Variants in SSBP4 observed in about 807,000 individuals in gnomAD.
The protein encoded by SSBP4 is single stranded DNA binding protein 4, also known as single-stranded DNA-binding protein 4.
Under a neutral mutation model 64.6 loss-of-function variants are expected in SSBP4, and 33 were observed. The ratio of observed to expected loss-of-function variants is 0.51; its 90% confidence interval spans 0.39 to 0.68. The LOEUF (loss-of-function observed/expected upper bound fraction) is 0.68. SSBP4 is among the 30% of genes least tolerant of loss of function. The pLI is 0.00. For synonymous variants in SSBP4, 243 were observed against 224.0 expected (o/e 1.08, Z -0.76); for missense variants, 583 against 566.8 (o/e 1.03, Z -0.29).
rs757159886 is a variant in SSBP4, at chr19:18,434,169, C to A, written c.1129-48C>A. The A allele has an allele frequency of 1.6e-4, 265 of 1,608,566 alleles. 3 individuals are homozygous for A. In the East Asian group the frequency reaches 5.9e-3, roughly 36 times the overall value. ...CCCTGGGGGCGGGTCCCAGCCTCTT[C>A]CGGAGCTGAACTCGGCCCCTGCGCG... is the stretch of plus-strand genomic sequence containing the variant. On this transcript the variant is annotated intron_variant, in intron 17 of 17. Transcript: ENST00000270061.
At chr19:18,433,398 A>G in intron 15 of SSBP4, 185 bp downstream of exon 15, 1 of 1,261,330 alleles carries the variant, frequency 7.9e-7, no homozygotes, top group African/African-American at 1.5e-5. Context: ...AAACCAGAGG[A>G]TGCACTGACC....
At chr19:18,414,924 G>A (rs972038081), upstream of SSBP4, among the ~76,000 whole-genome samples, 18 of 152,210 alleles carry the variant, frequency 1.2e-4, no homozygotes, top group Admixed American at 5.2e-4. Flanking sequence ...GTGAGTTTCC[G>A]CCTCCAGGCA....
chr19:18,403,510 T>C, the SSBP4 span, among the ~76,000 whole-genome samples: 3 of 151,858 alleles, frequency 2.0e-5, no homozygotes, highest in African/African-American at 7.3e-5. Flanking sequence ...GGTTCTGGGG[T>C]ATGGGGATCC....
In SSBP4 at chr19:18,426,629, G is replaced by A. The variant is rs761073067; in HGVS notation, c.60-722G>A. Reference sequence around the variant, plus strand: ...ACCTGGCTGGGCGAGGGTGACTCAGGTCCAAGCCCTTGGGGTGCACAGTGG... The same window carrying A: ...ACCTGGCTGGGCGAGGGTGACTCAGATCCAAGCCCTTGGGGTGCACAGTGG... On this transcript the variant is annotated intron_variant, in intron 1 of 17. Coordinates refer to ENST00000270061, the MANE Select transcript of SSBP4 (RefSeq NM_032627.5). This position sits in a 1 kb window ranked among gnomAD's most constrained non-coding sequence, Gnocchi z 4.5. Among the ~76,000 whole-genome samples the A allele has an allele frequency of 1.8e-4, 27 of 152,320 alleles. No individual in the cohort carries two copies. The highest frequency in any genetic ancestry group is 3.2e-4 in the Non-Finnish European group (22 of 68,016).
the SSBP4 span, among the ~76,000 whole-genome samples, chr19:18,413,148 T>TA: frequency 5.5e-4 from 1 of 1,830 alleles, no homozygotes; most frequent in South Asian, 0.026. Context: ...TTGGTTTGGG[T>TA]TTTTTTTTTT....
chr19:18,431,071 C>A, intron 5 of SSBP4, 141 bp downstream of exon 5: 1 of 1,033,736 alleles, frequency 9.7e-7, no homozygotes, highest in Non-Finnish European at 1.4e-6. Flanking sequence ...GCAGGTGTGC[C>A]CAGGTGGGCC....
At chr19:18,405,898 G>A in the SSBP4 span, among the ~76,000 whole-genome samples, 1 of 151,956 alleles carries the variant, frequency 6.6e-6, no homozygotes, top group African/African-American at 2.4e-5. Context: ...GGCTGAGGCA[G>A]GAGAATGGTG....
chr19:18,417,194 C>T (rs1360507441), upstream of SSBP4, among the ~76,000 whole-genome samples: 1 of 152,206 alleles, frequency 6.6e-6, no homozygotes, highest in Non-Finnish European at 1.5e-5. The surrounding 1 kb of genome is among the most constrained non-coding windows in gnomAD (Gnocchi z 5.4). Flanking sequence ...AACCGACTGA[C>T]TCGCCAGCTT....
chr19:18,433,252 G>A (rs1401042777), intron 15 of SSBP4, 39 bp downstream of exon 15: 1 of 1,537,036 alleles, frequency 6.5e-7, no homozygotes, highest in East Asian at 2.5e-5. Context: ...GTTGCCTTCC[G>A]GGCCCGTGCG....
chr19:18,433,937 G>T, intron 17 of SSBP4, 120 bp downstream of exon 17: 23 of 1,247,292 alleles, frequency 1.8e-5, no homozygotes, highest in Non-Finnish European at 2.2e-5. Flanking sequence ...GGCCAGGTGG[G>T]GGGGCGGCCG....
Position 18,426,951 on chromosome 19 carries a change from C to T in SSBP4, c.60-400C>T, listed in dbSNP as rs1205365398. ...CCCCTTCCCTCCTTCCTTCCTGGGC[C>T]GGGGAGGCTGGGGATGAGTTTGGAG... On this transcript the variant is annotated intron_variant, in intron 1 of 17. Coordinates refer to ENST00000270061, the MANE Select transcript of SSBP4 (RefSeq NM_032627.5). The surrounding 1 kb of genome is among the most constrained non-coding windows in gnomAD (Gnocchi z 4.5). 3.9e-5 allele frequency among the ~76,000 whole-genome samples: 6 copies of T among 152,010 alleles called. No homozygotes were observed. The highest frequency in any genetic ancestry group is 1.2e-4 in the African/African-American group (5 of 41,372).
chr19:18,422,782 G>A (rs1424176871), intron 1 of SSBP4, among the ~76,000 whole-genome samples: 2 of 152,230 alleles, frequency 1.3e-5, no homozygotes, highest in Admixed American at 1.3e-4. Context: ...TCTGGGCCTC[G>A]GTTTCCTTCT....
rs1450072059 is a variant in SSBP4 at position 18,419,611 on chromosome 19, G to A, written c.-38G>A. 1 of 1,254,378 alleles carries A rather than the reference G, an allele frequency of 8.0e-7. No individual in the cohort carries two copies. Among genetic ancestry groups the A allele is most frequent in the South Asian group, 2.1e-5 (1 of 46,802 alleles). The allele number at this position is 1,254,378 out of a possible 1,614,324, so 77.7% of individuals were successfully genotyped here. The stretch of plus-strand genomic sequence containing the variant: ...GCAAGCGCGGCCCGCGGCGCCGCCT[G>A]ACAGGTGTGGGCCCCGGCGGCGGCG... On this transcript the variant is annotated 5_prime_UTR_variant, in exon 1 of 18. The change abolishes the stop of an existing upstream ORF in the 5' untranslated region. Transcript: ENST00000270061.
intron 4 of SSBP4, among the ~76,000 whole-genome samples, chr19:18,429,886 C>A (rs1973203826): frequency 6.6e-6 from 1 of 152,124 alleles, no homozygotes; most frequent in Non-Finnish European, 1.5e-5. Context: ...GGGGTCAACC[C>A]GCAGCCCCAC....
rs1483833147 is a variant in SSBP4 at position 18,426,859 on chromosome 19, T to G, written c.60-492T>G. ...GCAGAAAGGGTTGAGGCCACCATGG[T>G]GGATGGGCATCTCTTCCCCAAGGAA... On this transcript the variant is annotated intron_variant, in intron 1 of 17. Coordinates refer to ENST00000270061, the MANE Select transcript of SSBP4 (RefSeq NM_032627.5). This position sits in a 1 kb window ranked among gnomAD's most constrained non-coding sequence, Gnocchi z 4.5. Among the ~76,000 whole-genome samples the G allele has an allele frequency of 6.6e-6, 1 of 151,952 alleles. No individual in the cohort carries two copies. Among genetic ancestry groups the G allele is most frequent in the Non-Finnish European group, 1.5e-5 (1 of 67,906 alleles).
chr19:18,424,158 G>A (rs1243645241), intron 1 of SSBP4, among the ~76,000 whole-genome samples: 2 of 152,186 alleles, frequency 1.3e-5, no homozygotes, highest in East Asian at 3.8e-4. Flanking sequence ...AACTTCCTTT[G>A]GCCTCCCATC....
At chr19:18,425,089 A>C (rs1237518800) in intron 1 of SSBP4, among the ~76,000 whole-genome samples, 1 of 20,854 alleles carries the variant, frequency 4.8e-5, no homozygotes, top group Non-Finnish European at 9.2e-5. Flanking sequence ...GGAGGACAGC[A>C]GGAGGGGGCG....
chr19:18,429,381 GT>G lies in SSBP4; in HGVS notation c.279+1400del, dbSNP rs1479223936. 2.0e-5 allele frequency among the ~76,000 whole-genome samples: 3 copies of G among 152,040 alleles called. No homozygotes were observed. The East Asian group carries it at 5.8e-4, about 29-fold the overall frequency. Reference sequence around the variant, plus strand: ...TCTTCAGGGATGATTGACGTAGGGGGTCTGGCCCGGGCCAACCGCCGGGGAG... The same window carrying G: ...TCTTCAGGGATGATTGACGTAGGGGGCTGGCCCGGGCCAACCGCCGGGGAG... On this transcript the variant is annotated intron_variant, in intron 4 of 17. Coordinates refer to ENST00000270061, the MANE Select transcript of SSBP4 (RefSeq NM_032627.5).
At chr19:18,410,827 C>G in the SSBP4 span, among the ~76,000 whole-genome samples, 4 of 151,996 alleles carry the variant, frequency 2.6e-5, no homozygotes, top group African/African-American at 7.3e-5. Context: ...GCTGCCTTGG[C>G]GAAGGCAGGC....
Sources: gnomAD v4.1 joint callset for allele counts (sites outside exome capture counted in the v4.1 genomes callset) on GRCh38, gnomAD v4.1.1 for gene constraint, Gnocchi (gnomAD v3.1) non-coding constraint, MANE v1.5 for transcripts, NCBI Gene and HGNC (gene_info 2026-07-23, HGNC 2026-07-21) for gene names.